ST7: variants seen among roughly 807,000 people sequenced by gnomAD.
The protein encoded by ST7 is suppression of tumorigenicity 7.
ST7 carries 28 observed loss-of-function variants against 78.7 expected under a neutral mutation model. The ratio of observed to expected loss-of-function variants is 0.36; its 90% CI spans 0.26 to 0.49. ST7 has a LOEUF of 0.49. Ranked by LOEUF, ST7 falls within the 20% of genes least tolerant of loss-of-function variation. The probability of loss-of-function intolerance (pLI) is 0.99; values close to 1 mark genes in which losing one functional copy is unlikely to be tolerated. For synonymous variants in ST7, 247 were observed against 249.6 expected (o/e 0.99, Z 0.10); for missense variants, 418 against 696.0 (o/e 0.60, Z 4.49).
chr7:117,020,453 G>A (rs1175467747), intron 1 of ST7: 3 of 794,316 alleles, frequency 3.8e-6, no homozygotes, highest in Non-Finnish European at 5.7e-6. Flanking sequence ...TCTGGCAGCT[G>A]GACACAGCTT....
At chr7:117,099,414 A>G (rs1049111476) in intron 1 of ST7, among the ~76,000 whole-genome samples, 2 of 152,224 alleles carry the variant, frequency 1.3e-5, no homozygotes, top group African/African-American at 4.8e-5. Flanking sequence ...CAAAATGTGT[A>G]AGAGCACCTT....
intron 1 of ST7, chr7:116,966,055 A>G (rs754511031): frequency 2.8e-5 from 13 of 458,286 alleles, no homozygotes; most frequent in South Asian, 1.6e-5. Flanking sequence ...CTAACTTTCT[A>G]GAAATAAACA....
In ST7 at chr7:117,138,555, G is replaced by A. The variant is rs1281224088; in HGVS notation, c.963+23G>A. On this transcript the variant is annotated intron_variant, in intron 9 of 15. Transcript: ENST00000323984. ...GATGTGAGTTTGAGTTTGTGTTTGG[G>A]ATCAGTGGCTTACAGATATAGGAGC... The A allele has an allele frequency of 4.5e-6, 7 of 1,544,808 alleles. No individual in the cohort carries two copies. In the African/African-American group the frequency reaches 5.5e-5, roughly 12 times the overall value.
intron 2 of ST7, among the ~76,000 whole-genome samples, chr7:117,101,074 A>G (rs1390959438): frequency 1.3e-5 from 2 of 152,090 alleles, no homozygotes; most frequent in Non-Finnish European, 2.9e-5. Context: ...AAGATGAAGA[A>G]ATGTATGGAG....
chr7:117,131,762 T>G, intron 5 of ST7, 123 bp from the exon 6 acceptor site: 1 of 887,840 alleles, frequency 1.1e-6, no homozygotes, highest in East Asian at 2.6e-5. Flanking sequence ...TGGCCAACCC[T>G]CTTAGCAATG....
At chr7:116,997,147 A>G (rs1794698935) in intron 1 of ST7, among the ~76,000 whole-genome samples, 1 of 152,120 alleles carries the variant, frequency 6.6e-6, no homozygotes, top group Non-Finnish European at 1.5e-5. Context: ...TCAGGAGTGA[A>G]ACTGCAGACC....
intron 1 of ST7, among the ~76,000 whole-genome samples, chr7:117,093,794 CTACA>C (rs1800821970): frequency 2.0e-5 from 3 of 152,204 alleles, no homozygotes; most frequent in Non-Finnish European, 4.4e-5. Context: ...GGCACTTTAT[CTACA>C]ATATTATGTT....
intron 1 of ST7, among the ~76,000 whole-genome samples, chr7:117,034,977 G>A (rs920029651): frequency 4.6e-5 from 7 of 152,178 alleles, no homozygotes; most frequent in Non-Finnish European, 1.0e-4. Context: ...TCCGGAAACA[G>A]CATTGCTACC....
rs1801949807 is a variant in ST7 at position 117,106,198 on chromosome 7, C to T, written c.234+6354C>T. Reference sequence around the variant, plus strand: ...TATTTTTAGTAGAGACGGGGTTTCACCTTGTTAGCCAGGATGGTCTCGATC... The same window carrying T: ...TATTTTTAGTAGAGACGGGGTTTCATCTTGTTAGCCAGGATGGTCTCGATC... On this transcript the variant is annotated intron_variant, in intron 2 of 15. Coordinates refer to ENST00000323984, the MANE Select transcript of ST7 (RefSeq NM_001369598.1). 2.0e-5 allele frequency among the ~76,000 whole-genome samples: 3 copies of T among 151,970 alleles called. No homozygotes were observed. The South Asian group carries it at 6.3e-4, about 32-fold the overall frequency.
chr7:117,072,897 C>G (rs1234134097), intron 1 of ST7: 4 of 152,156 alleles, frequency 2.6e-5, no homozygotes, highest in Non-Finnish European at 5.9e-5. Context: ...CAGATTAAGT[C>G]CAAAGTGGCA....
At chr7:117,207,524 T>C (rs1791888003) in intron 12 of ST7, among the ~76,000 whole-genome samples, 2 of 152,162 alleles carry the variant, frequency 1.3e-5, no homozygotes, top group African/African-American at 4.8e-5. Context: ...GAAGGTTCTT[T>C]AGGCTAAGAG....
intron 1 of ST7, among the ~76,000 whole-genome samples, chr7:116,990,064 C>T (rs1386843490): frequency 6.6e-6 from 1 of 152,134 alleles, no homozygotes; most frequent in Non-Finnish European, 1.5e-5. Context: ...CCTCAGCCTC[C>T]TGAGTAGCTG....
intron 1 of ST7, among the ~76,000 whole-genome samples, chr7:117,091,030 G>A (rs550127322): frequency 2.0e-5 from 3 of 152,338 alleles, no homozygotes; most frequent in South Asian, 2.1e-4. Flanking sequence ...CCTCAGCAGA[G>A]CCAGATGCCC....
At chr7:117,201,091 G>A (rs1206502566) in intron 12 of ST7, among the ~76,000 whole-genome samples, 2 of 152,076 alleles carry the variant, frequency 1.3e-5, no homozygotes, top group African/African-American at 2.4e-5. Context: ...GTGGGTTTTA[G>A]CATTTTAAAA....
intron 1 of ST7, among the ~76,000 whole-genome samples, chr7:117,039,247 C>T (rs547885427): frequency 6.6e-6 from 1 of 152,196 alleles, no homozygotes; most frequent in African/African-American, 2.4e-5. Context: ...TTCCTATTAC[C>T]AGGTTATGTT....
At chr7:117,034,524 C>T (rs1054154822) in intron 1 of ST7, among the ~76,000 whole-genome samples, 4 of 152,134 alleles carry the variant, frequency 2.6e-5, no homozygotes, top group African/African-American at 7.2e-5. Flanking sequence ...ACAATAAGGT[C>T]AATACCTTTT....
intron 1 of ST7, among the ~76,000 whole-genome samples, chr7:116,979,242 G>A (rs967181584): frequency 2.0e-5 from 3 of 152,168 alleles, no homozygotes; most frequent in African/African-American, 7.2e-5. Flanking sequence ...AAGTGGAAGG[G>A]GAGGGACAAA....
chr7:117,099,543 C>A (rs1563080715), intron 1 of ST7, among the ~76,000 whole-genome samples: 1 of 152,128 alleles, frequency 6.6e-6, no homozygotes, highest in Non-Finnish European at 1.5e-5. Flanking sequence ...ACTCTATTTT[C>A]TTGTATGTAG....
chr7:117,025,014 T>A (rs777554822), intron 1 of ST7, among the ~76,000 whole-genome samples: 7 of 152,336 alleles, frequency 4.6e-5, no homozygotes, highest in Non-Finnish European at 8.8e-5. Context: ...GATAATTTTC[T>A]GAAATTTTGA....
Sources: gnomAD v4.1 joint callset for allele counts (sites outside exome capture counted in the v4.1 genomes callset) on GRCh38, gnomAD v4.1.1 for gene constraint, MANE v1.5 for transcripts, NCBI Gene and HGNC (gene_info 2026-07-23, HGNC 2026-07-21) for gene names.